The following CUX1 variants were observed in gnomAD, a reference collection of about 807,000 sequenced individuals.
The protein encoded by CUX1 is protein CASP.
A neutral mutation model predicts 158.8 loss-of-function variants in CUX1; 31 were observed. The observed-to-expected ratio is 0.20, with a 90% confidence interval of 0.15 to 0.26. CUX1 has a LOEUF of 0.26. Ranked by LOEUF, CUX1 falls within the 10% of genes least tolerant of loss-of-function variation. The pLI is 1.00. For synonymous variants in CUX1, 879 were observed against 862.1 expected (o/e 1.02, Z -0.34); for missense variants, 1,589 against 2,014.6 (o/e 0.79, Z 4.04).
intron 2 of CUX1, among the ~76,000 whole-genome samples, chr7:101,918,626 G>A (rs143471356): frequency 1.3e-5 from 2 of 152,350 alleles, no homozygotes; most frequent in Non-Finnish European, 2.9e-5. Flanking sequence ...GAGGGGAGCT[G>A]GCTGCAGGCT....
intron 3 of CUX1, among the ~76,000 whole-genome samples, chr7:102,030,689 G>GTGTTTTTTTTTTTTTTTTTTTTTTTT (rs1554459461): frequency 7.3e-5 from 6 of 82,536 alleles, no homozygotes; most frequent in South Asian, 4.8e-4. Flanking sequence ...ATTTTAAAAA[G>GTGTTTTTTTTTTTTTTTTTTTTTTTT]TGTTTTTTTT....
At chr7:102,013,018 C>T (rs1162331369) in intron 2 of CUX1, among the ~76,000 whole-genome samples, 1 of 151,862 alleles carries the variant, frequency 6.6e-6, no homozygotes, top group Non-Finnish European at 1.5e-5. Context: ...GTAATCCTTA[C>T]GGCCCTGTGG....
intron 1 of CUX1, among the ~76,000 whole-genome samples, chr7:101,833,077 C>T (rs530320178): frequency 2.6e-5 from 4 of 152,112 alleles, no homozygotes; most frequent in East Asian, 1.9e-4. Flanking sequence ...GAGGAGGGTG[C>T]GTTCGACTGA....
intron 5 of CUX1, among the ~76,000 whole-genome samples, chr7:102,098,128 T>G (rs1829396019): frequency 6.6e-6 from 1 of 152,246 alleles, no homozygotes; most frequent in Admixed American, 6.5e-5. Flanking sequence ...AGGAGCCTGT[T>G]GGCTTCCTTG....
chr7:102,169,044 C>T, intron 9 of CUX1, among the ~76,000 whole-genome samples: 1 of 151,018 alleles, frequency 6.6e-6, no homozygotes, highest in Non-Finnish European at 1.5e-5. Context: ...AGCGATTCTT[C>T]TGCCTCAGTC....
intron 6 of CUX1, among the ~76,000 whole-genome samples, chr7:102,104,840 C>T (rs548063217): frequency 5.3e-5 from 8 of 152,166 alleles, no homozygotes; most frequent in African/African-American, 1.9e-4. Flanking sequence ...TGCAGTGAGC[C>T]GAGATCGCGC....
rs1209997209 is a variant in CUX1, at chr7:101,847,905, A to G, written c.30+30236A>G. Among the ~76,000 whole-genome samples the G allele has an allele frequency of 2.6e-5, 4 of 151,890 alleles. No individual in the cohort carries two copies. In the East Asian group the frequency reaches 7.9e-4, roughly 30 times the overall value. Reference sequence around the variant, plus strand: ...CAACGTGGTGAAACCCATCTCTACAAAAATAAGCTGGGCATGATGGCGGGT... The same window carrying G: ...CAACGTGGTGAAACCCATCTCTACAGAAATAAGCTGGGCATGATGGCGGGT... On this transcript the variant is annotated intron_variant, in intron 1 of 23. Coordinates refer to ENST00000292535, the MANE Select transcript of CUX1 (RefSeq NM_181552.4).
intron 1 of CUX1, among the ~76,000 whole-genome samples, chr7:101,903,715 T>A (rs889974730): frequency 4.3e-4 from 66 of 152,248 alleles, no homozygotes; most frequent in African/African-American, 1.6e-3. Context: ...CGAGACAGCG[T>A]CTCTCACATC....
At position 101,973,874 on chromosome 7, in the gene CUX1, T is replaced by G. The variant is rs150172005; in HGVS notation, c.142-54224T>G. 7.2e-3 allele frequency among the ~76,000 whole-genome samples: 1,087 copies of G among 151,326 alleles called. 12 individuals are homozygous for G. Among genetic ancestry groups the G allele is most frequent in the African/African-American group, 0.022 (908 of 41,162 alleles). Reference sequence around the variant, plus strand: ...ACCTCCACCTCCCAGGTTCAAGAGATTCTCCTACCTCAGCCTCCCGAGTAG... The same window carrying G: ...ACCTCCACCTCCCAGGTTCAAGAGAGTCTCCTACCTCAGCCTCCCGAGTAG... On this transcript the variant is annotated intron_variant, in intron 2 of 23. Transcript: ENST00000292535.
intron 9 of CUX1, among the ~76,000 whole-genome samples, chr7:102,158,862 A>C (rs1422408419): frequency 3.9e-5 from 6 of 152,188 alleles, no homozygotes; most frequent in African/African-American, 1.4e-4. Flanking sequence ...TCCCCTCCAA[A>C]GTGGTAACTG....
chr7:102,038,693 C>G (rs899093427), intron 3 of CUX1, among the ~76,000 whole-genome samples: 2 of 152,174 alleles, frequency 1.3e-5, no homozygotes, highest in Non-Finnish European at 2.9e-5. Context: ...TGGCTCATGC[C>G]TGTCATCCTA....
chr7:102,254,803 C>A lies in CUX1; in HGVS notation c.*5761C>A. On this transcript the variant is annotated 3_prime_UTR_variant, in exon 24 of 24. Coordinates refer to ENST00000292535, the MANE Select transcript of CUX1 (RefSeq NM_181552.4). ...TGATGTGGTTGGATCTCAGCGTGTA[C>A]TGAATGCCAGTCTGGCCGGCACACT... 1.0e-6 allele frequency: 1 copy of A among 985,476 alleles called. No individual in the cohort carries two copies. Among genetic ancestry groups the A allele is most frequent in the Non-Finnish European group, 1.2e-6 (1 of 829,966 alleles). 61.0% of individuals were successfully genotyped at this position (985,476 alleles called of 1,614,324 possible).
At chr7:101,894,561 C>G (rs1379479936) in intron 1 of CUX1, among the ~76,000 whole-genome samples, 1 of 152,198 alleles carries the variant, frequency 6.6e-6, no homozygotes. Context: ...ATCCACCCGC[C>G]TCGGCCTCCC....
chr7:102,185,631 G>A (rs1183341588), intron 11 of CUX1, among the ~76,000 whole-genome samples: 2 of 151,192 alleles, frequency 1.3e-5, no homozygotes, highest in African/African-American at 4.9e-5. Flanking sequence ...GTAGAGACGG[G>A]GTCTTGCTAT....
intron 2 of CUX1, among the ~76,000 whole-genome samples, chr7:102,016,681 C>G (rs922758892): frequency 6.6e-6 from 1 of 152,184 alleles, no homozygotes; most frequent in South Asian, 2.1e-4. Context: ...CATAAGTACT[C>G]CCCTGGTGTC....
chr7:101,946,464 A>T (rs1337780138), intron 2 of CUX1, among the ~76,000 whole-genome samples: 2 of 151,096 alleles, frequency 1.3e-5, no homozygotes, highest in African/African-American at 4.9e-5. Flanking sequence ...GAATCACTTG[A>T]ACCTGGGAGG....
chr7:101,858,404 C>T (rs1797108257), intron 1 of CUX1, among the ~76,000 whole-genome samples: 1 of 152,218 alleles, frequency 6.6e-6, no homozygotes, highest in East Asian at 1.9e-4. Flanking sequence ...GAGGAGCCAT[C>T]CTCACCCATC....
intron 3 of CUX1, among the ~76,000 whole-genome samples, chr7:102,041,016 C>T (rs1822006474): frequency 1.3e-5 from 2 of 152,036 alleles, no homozygotes; most frequent in Admixed American, 6.6e-5. Context: ...TGGCTGGGCA[C>T]AGTGGCTCAT....
chr7:101,856,651 T>C (rs1183499077), intron 1 of CUX1, among the ~76,000 whole-genome samples: 2 of 152,178 alleles, frequency 1.3e-5, no homozygotes, highest in African/African-American at 2.4e-5. Context: ...CTAGAGCAAG[T>C]CCAACTCTTC....
Sources: gnomAD v4.1 joint callset for allele counts (sites outside exome capture counted in the v4.1 genomes callset) on GRCh38, gnomAD v4.1.1 for gene constraint, MANE v1.5 for transcripts, NCBI Gene and HGNC (gene_info 2026-07-23, HGNC 2026-07-21) for gene names.